Variants in TGM3 observed in about 807,000 individuals in gnomAD.
The protein encoded by TGM3 is transglutaminase 3.
TGM3 carries 52 observed loss-of-function variants against 73.8 expected under a neutral mutation model. That is an observed-to-expected ratio of 0.70 (90% CI 0.56 to 0.89). The LOEUF is 0.89. Ranked by LOEUF, TGM3 falls within the 40% of genes least tolerant of loss-of-function variation. TGM3 has a pLI of 0.00. For synonymous variants in TGM3, 372 were observed against 354.9 expected, an observed-to-expected ratio of 1.05 and a Z score of -0.54; for missense variants, 928 against 909.9, an observed-to-expected ratio of 1.02 and a Z score of -0.26.
At chr20:2,297,066 G>A (rs1287926604) in intron 1 of TGM3, among the ~76,000 whole-genome samples, 1 of 152,176 alleles carries the variant, frequency 6.6e-6, no homozygotes, top group East Asian at 1.9e-4. Context: ...GTACAGCATG[G>A]CTGGGATGCT....
At chr20:2,299,756 A>C (rs76022304) in intron 1 of TGM3, among the ~76,000 whole-genome samples, 11 of 152,344 alleles carry the variant, frequency 7.2e-5, no homozygotes, top group African/African-American at 2.6e-4. Context: ...GGCCTAAGGT[A>C]GTGAGGTCTC....
intron 7 of TGM3, among the ~76,000 whole-genome samples, chr20:2,320,514 C>T (rs1355000872): frequency 6.6e-6 from 1 of 152,172 alleles, no homozygotes; most frequent in Admixed American, 6.5e-5. Context: ...CTTTGCTACA[C>T]CTCAATTTCC....
intron 8 of TGM3, among the ~76,000 whole-genome samples, chr20:2,327,555 T>C (rs2084295391): frequency 6.6e-6 from 1 of 152,236 alleles, no homozygotes; most frequent in African/African-American, 2.4e-5. Context: ...TTCTGTATCA[T>C]ATGTGTGCCA....
At position 2,328,109 on chromosome 20, in the gene TGM3, T is replaced by C; in HGVS notation, c.1088-11T>C. On this transcript the variant is annotated splice_polypyrimidine_tract_variant and intron_variant, in intron 8 of 12. Coordinates refer to ENST00000381458, the MANE Select transcript of TGM3 (RefSeq NM_003245.4). The surrounding 1 kb of genome is among the most constrained non-coding windows in gnomAD (Gnocchi z 5.2). ...TTGGCATATATCCAGCCTCTGCATC[T>C]TGGCCTCCAGGGGTGTTCCAGTGCG... The C allele has an allele frequency of 1.2e-5, 19 of 1,614,138 alleles. No homozygotes were observed. Among genetic ancestry groups the C allele is most frequent in the Non-Finnish European group, 1.4e-5 (17 of 1,180,004 alleles).
intron 9 of TGM3, among the ~76,000 whole-genome samples, chr20:2,329,752 C>T (rs950021055): frequency 2.0e-5 from 3 of 152,102 alleles, no homozygotes; most frequent in Non-Finnish European, 2.9e-5. Flanking sequence ...CTTCCTCACC[C>T]GAAGAATGAG....
chr20:2,340,249 G>T lies in TGM3; in HGVS notation c.1935-185G>T, dbSNP rs45617538. The stretch of plus-strand genomic sequence containing the variant: ...GGAGATCATGGGACCCCCCCCTCCT[G>T]CTTCCCCTGCTGAAGAGTTCCAGGG... On this transcript the variant is annotated intron_variant, in intron 12 of 12. Transcript: ENST00000381458. Among the ~76,000 whole-genome samples, 388 of 152,288 alleles carry T rather than the reference G, an allele frequency of 2.5e-3. 1 individual carries two copies. Among genetic ancestry groups the T allele is most frequent in the African/African-American group, 9.1e-3 (379 of 41,560 alleles).
chr20:2,336,392 G>A (rs769670443), intron 11 of TGM3, among the ~76,000 whole-genome samples: 1 of 152,064 alleles, frequency 6.6e-6, no homozygotes, highest in South Asian at 2.1e-4. Context: ...TGTACCCACC[G>A]TCTGCCCCAG....
chr20:2,340,306 T>C (rs2084374312), intron 12 of TGM3, 128 bp from the exon 13 acceptor site: 5 of 1,380,212 alleles, frequency 3.6e-6, no homozygotes, highest in Non-Finnish European at 5.0e-6. Flanking sequence ...GAGAGACAGC[T>C]AGAGGGAGCT....
In TGM3 at chr20:2,332,017, G is replaced by A. The variant is rs750048317; in HGVS notation, c.1349G>A (p.Arg450Lys). ...CACCACACAGGCTCTGACCAGGAAA[G>A]ACAAGTGTTCCAAAAGGCTTTGGGG... Reference protein sequence around the residue: ...YKYPEGSDQERQVFQKALGKL... With the variant: ...YKYPEGSDQEKQVFQKALGKL... Residue 450 changes from arginine to lysine, a missense_variant, in exon 10 of 13, where the codon AGA (arginine) becomes AAA (lysine). Transcript: ENST00000381458. The surrounding 1 kb of genome is among the most constrained non-coding windows in gnomAD (Gnocchi z 4.4). 11 of 1,607,774 alleles carry A rather than the reference G, an allele frequency of 6.8e-6. No homozygotes were observed. Among genetic ancestry groups the A allele is most frequent in the Non-Finnish European group, 9.3e-6 (11 of 1,176,528 alleles).
rs754582243 is a variant in TGM3, at chr20:2,317,449, T to G, written c.947T>G (p.Met316Arg). The part of the protein sequence containing the change: ...NLSVDVYYDP[M>R]GNPLDKGSDS... ...AGTGTGGATGTGTACTACGACCCCA[T>G]GGGAAACCCCCTGGACAAGGGTAGT... The change falls in exon 7 of 13, where the codon ATG becomes AGG. Residue 316 changes from methionine to arginine, a missense_variant. By Grantham distance (91) the Met-to-Arg change is moderately conservative. Transcript: ENST00000381458. 5 of 1,614,110 alleles carry G rather than the reference T, an allele frequency of 3.1e-6. No individual in the cohort carries two copies. In the African/African-American group the frequency reaches 6.7e-5, roughly 22 times the overall value.
chr20:2,296,141 G>A, intron 1 of TGM3, 71 bp downstream of exon 1: 1 of 1,538,744 alleles, frequency 6.5e-7, no homozygotes, highest in Non-Finnish European at 8.8e-7. Context: ...AGCCTGCCAA[G>A]CCAGAGTGTC....
intron 1 of TGM3, among the ~76,000 whole-genome samples, chr20:2,306,614 T>C (rs1284925702): frequency 1.3e-5 from 2 of 151,990 alleles, no homozygotes; most frequent in Non-Finnish European, 2.9e-5. Context: ...GTAGCTGGGA[T>C]TACAGGCGTG....
At chr20:2,310,706 G>A (rs555297117) in intron 3 of TGM3, among the ~76,000 whole-genome samples, 2 of 152,296 alleles carry the variant, frequency 1.3e-5, no homozygotes, top group South Asian at 4.1e-4. Flanking sequence ...TGCATAGCAT[G>A]GTTCATTTTA....
chr20:2,335,833 T>C (rs867156064), intron 11 of TGM3, among the ~76,000 whole-genome samples: 1 of 152,192 alleles, frequency 6.6e-6, no homozygotes, highest in Non-Finnish European at 1.5e-5. Context: ...TGTGGACTCT[T>C]AGGAGCCTAG....
chr20:2,315,208 C>T (rs753613441), intron 5 of TGM3, among the ~76,000 whole-genome samples: 12 of 152,228 alleles, frequency 7.9e-5, no homozygotes, highest in Non-Finnish European at 1.3e-4. Context: ...GGCCAAACCA[C>T]TTTATCGTGG....
rs1443138871 is a variant in TGM3, at chr20:2,309,713, A to G, written c.64A>G (p.Thr22Ala). The G allele has an allele frequency of 6.2e-7, 1 of 1,614,172 alleles. No individual in the cohort carries two copies. The highest frequency in any genetic ancestry group is 1.1e-5 in the South Asian group (1 of 91,084). ...QTAFNRQAHHTDKFSSQELIL... is the reference protein window; with the variant it reads ...QTAFNRQAHHADKFSSQELIL... ...GGCCTTCAACCGACAAGCGCATCAC[A>G]CAGACAAGTTCTCCAGCCAGGAGCT... The change falls in exon 2 of 13, where the codon ACA (threonine) becomes GCA (alanine). Residue 22 changes from threonine to alanine, a missense_variant. By Grantham distance (58) the Thr-to-Ala change is moderately conservative. Transcript: ENST00000381458.
chr20:2,307,314 T>G (rs1250455419), intron 1 of TGM3, among the ~76,000 whole-genome samples: 2 of 152,036 alleles, frequency 1.3e-5, no homozygotes, highest in African/African-American at 4.8e-5. Context: ...CCATCTCCAG[T>G]GCTCTTGAGT....
chr20:2,339,841 C>T lies in TGM3; in HGVS notation c.1801-13C>T, dbSNP rs1252956505. The T allele has an allele frequency of 3.1e-6, 5 of 1,613,770 alleles. No individual in the cohort carries two copies. The South Asian group carries it at 5.5e-5, about 18-fold the overall frequency. On this transcript the variant is annotated splice_polypyrimidine_tract_variant and intron_variant, in intron 11 of 12. Coordinates refer to ENST00000381458, the MANE Select transcript of TGM3 (RefSeq NM_003245.4). ...AGCTGGAGTCCTGACTCGGCAGCCCCTCTCCCCCATAGGTGCTGAACGAGG... is the reference window on the plus strand; with the variant it reads ...AGCTGGAGTCCTGACTCGGCAGCCCTTCTCCCCCATAGGTGCTGAACGAGG...
chr20:2,329,588 G>A (rs1226889634), intron 9 of TGM3, among the ~76,000 whole-genome samples: 1 of 152,084 alleles, frequency 6.6e-6, no homozygotes, highest in African/African-American at 2.4e-5. Context: ...CTGGAGGTGT[G>A]GGGATGTAGG....
Sources: allele counts gnomAD v4.1 joint callset (sites outside exome capture counted in the v4.1 genomes callset), GRCh38; gene constraint gnomAD v4.1.1; non-coding constraint Gnocchi (gnomAD v3.1); transcripts MANE v1.5; gene names NCBI Gene and HGNC (gene_info 2026-07-23, HGNC 2026-07-21).